The following AHI1 variants were observed in gnomAD, a reference collection of about 807,000 sequenced individuals.
AHI1 encodes the protein jouberin.
AHI1 carries 123 observed loss-of-function variants against 149.3 expected under a neutral mutation model. The ratio of observed to expected loss-of-function variants is 0.82; its 90% CI spans 0.71 to 0.96. AHI1 has a LOEUF of 0.96. Among genes scored for constraint, AHI1 ranks in the 40% least tolerant of loss-of-function variants. AHI1 has a pLI of 0.00. For missense variants in AHI1, 1,439 were observed against 1,422.7 expected, an observed-to-expected ratio of 1.01 and a Z score of -0.18; for synonymous variants, 475 against 459.8, an observed-to-expected ratio of 1.03 and a Z score of -0.42.
At chr6:135,494,417 A>G (rs1795691736) in intron 3 of AHI1, among the ~76,000 whole-genome samples, 1 of 152,244 alleles carries the variant, frequency 6.6e-6, no homozygotes, top group Non-Finnish European at 1.5e-5. Flanking sequence ...AGCTACAAGC[A>G]TCAGCTCCAT....
chr6:135,395,129 G>C lies in AHI1; in HGVS notation c.2989-233C>G, dbSNP rs75876608. On this transcript the variant is annotated intron_variant, in intron 22 of 28. Coordinates refer to ENST00000265602, the MANE Select transcript of AHI1 (RefSeq NM_001134831.2). ...TATATGAAAATAAATCAGCCTTACT[G>C]AAGTTTACCATGGACTTGACATTAT... 0.023 allele frequency among the ~76,000 whole-genome samples: 3,421 copies of C among 152,026 alleles called. 59 individuals are homozygous for C. Among genetic ancestry groups the C allele is most frequent in the East Asian group, 0.054 (278 of 5,182 alleles).
chr6:135,428,791 T>G (rs1017443578), intron 18 of AHI1, 32 bp from the exon 19 acceptor site: 1 of 1,560,638 alleles, frequency 6.4e-7, no homozygotes, highest in Non-Finnish European at 8.7e-7. Context: ...CAAATGTAAC[T>G]GTCTTAATCA....
At chr6:135,349,476 T>C (rs906986928) in intron 24 of AHI1, among the ~76,000 whole-genome samples, 4 of 152,196 alleles carry the variant, frequency 2.6e-5, no homozygotes, top group Non-Finnish European at 4.4e-5. Context: ...CTGCTTAGCA[T>C]TGTTTATCAA....
chr6:135,465,247 G>C (rs1790554819), intron 7 of AHI1, among the ~76,000 whole-genome samples: 2 of 152,020 alleles, frequency 1.3e-5, no homozygotes, highest in South Asian at 4.1e-4. Flanking sequence ...TCTCCAAATA[G>C]AAAACATATA....
intron 24 of AHI1, among the ~76,000 whole-genome samples, chr6:135,334,924 C>T (rs1789146984): frequency 6.6e-6 from 1 of 152,166 alleles, no homozygotes; most frequent in East Asian, 1.9e-4. Context: ...GGGGATGGCC[C>T]AGTAATCTGT....
In AHI1 at chr6:135,431,292, A is replaced by G. The variant is rs1309463815; in HGVS notation, c.2289T>C (p.Asp763=). Residue 763 remains aspartate (D), a synonymous_variant, in exon 17 of 29, where the codon GAT becomes GAC. Transcript: ENST00000265602. ...TCCAAACAACAATCACCCCTGTACA[A>G]TCTCCTGAATACATATGATGACCTA... ...DTEGHHMYSG[D]CTGVIVVWNT... 6.2e-7 allele frequency: 1 copy of G among 1,603,720 alleles called. No homozygotes were observed. The highest frequency in any genetic ancestry group is 8.5e-7 in the Non-Finnish European group (1 of 1,173,304).
Position 135,354,104 on chromosome 6 carries a change from C to G in AHI1, c.3165+4028G>C, listed in dbSNP as rs78494720. On this transcript the variant is annotated intron_variant, in intron 24 of 28. Coordinates refer to ENST00000265602, the MANE Select transcript of AHI1 (RefSeq NM_001134831.2). ...CCTGTTGTGATAGATGTGTAGGCCTCTGTGAAAATGCAAGCTGTAATTTTA... is the reference window on the plus strand; with the variant it reads ...CCTGTTGTGATAGATGTGTAGGCCTGTGTGAAAATGCAAGCTGTAATTTTA... Among the ~76,000 whole-genome samples, 1,147 of 152,198 alleles carry G rather than the reference C, an allele frequency of 7.5e-3. 12 individuals are homozygous for G. Among genetic ancestry groups the G allele is most frequent in the African/African-American group, 0.026 (1,086 of 41,558 alleles).
intron 5 of AHI1, among the ~76,000 whole-genome samples, chr6:135,477,186 G>A (rs1013671416): frequency 7.9e-5 from 12 of 151,658 alleles, no homozygotes; most frequent in Non-Finnish European, 1.3e-4. Flanking sequence ...GACTACAGGC[G>A]CCCAACACCA....
At chr6:135,430,040 T>A in intron 17 of AHI1, 40 bp from the exon 18 acceptor site, 4 of 1,211,084 alleles carry the variant, frequency 3.3e-6, no homozygotes, top group Non-Finnish European at 4.6e-6. Context: ...GAAAAGTTTG[T>A]CTAATGTTAA....
intron 26 of AHI1, among the ~76,000 whole-genome samples, chr6:135,303,499 G>T (rs938831656): frequency 3.3e-5 from 5 of 151,490 alleles, no homozygotes; most frequent in Non-Finnish European, 7.4e-5. Context: ...TTCTTGTCTT[G>T]GTTCTGTCAT....
intron 22 of AHI1, 125 bp from the exon 23 acceptor site, chr6:135,395,021 T>C: frequency 1.1e-6 from 1 of 886,856 alleles, no homozygotes; most frequent in Non-Finnish European, 1.7e-6. Context: ...GGAGTGGTAA[T>C]GATGTACATG....
chr6:135,456,001 G>A, intron 9 of AHI1, 75 bp from the exon 10 acceptor site: 1 of 993,616 alleles, frequency 1.0e-6, no homozygotes. Context: ...TAGTGTACAA[G>A]GTGAGGCAAC....
intron 20 of AHI1, among the ~76,000 whole-genome samples, chr6:135,419,235 C>G (rs2757636): frequency 0.98 from 149,077 of 152,238 alleles, 73,004 homozygotes; most frequent in East Asian, 1. Flanking sequence ...CTGGCAAATT[C>G]ATTAGCTGGA....
At chr6:135,324,496 G>A (rs1406426102) in intron 24 of AHI1, among the ~76,000 whole-genome samples, 2 of 150,608 alleles carry the variant, frequency 1.3e-5, no homozygotes, top group African/African-American at 2.4e-5. Context: ...ATCTGAAAAT[G>A]TATAGGTTAT....
intron 24 of AHI1, among the ~76,000 whole-genome samples, chr6:135,353,240 C>A (rs1792437093): frequency 6.6e-6 from 1 of 152,032 alleles, no homozygotes. Flanking sequence ...TGAATTGCTA[C>A]TTTATTGATA....
intron 15 of AHI1, among the ~76,000 whole-genome samples, chr6:135,436,786 G>T (rs939963870): frequency 4.6e-5 from 7 of 152,068 alleles, no homozygotes; most frequent in African/African-American, 1.7e-4. Context: ...ATTTTTAATA[G>T]AGACAGGGTT....
intron 23 of AHI1, among the ~76,000 whole-genome samples, chr6:135,383,336 T>A (rs1777137642): frequency 6.7e-6 from 1 of 150,274 alleles, no homozygotes; most frequent in Non-Finnish European, 1.5e-5. Flanking sequence ...TTCAATCGAT[T>A]CCCCTCTGCC....
At chr6:135,493,676 T>G (rs972386204) in intron 3 of AHI1, among the ~76,000 whole-genome samples, 1 of 151,988 alleles carries the variant, frequency 6.6e-6, no homozygotes, top group Non-Finnish European at 1.5e-5. Context: ...AAATAAAAAT[T>G]TAATATTTAT....
At chr6:135,430,062 G>A in intron 17 of AHI1, 62 bp from the exon 18 acceptor site, 2 of 855,886 alleles carry the variant, frequency 2.3e-6, no homozygotes, top group East Asian at 2.7e-5. Flanking sequence ...CTTTTTTGGG[G>A]GTACAAAATT....
Sources: allele counts gnomAD v4.1 joint callset (sites outside exome capture counted in the v4.1 genomes callset), GRCh38; gene constraint gnomAD v4.1.1; transcripts MANE v1.5; gene names NCBI Gene and HGNC (gene_info 2026-07-23, HGNC 2026-07-21).